ATRNL1: variants seen among roughly 807,000 people sequenced by gnomAD.
The protein encoded by ATRNL1 is attractin-like protein 1.
Under a neutral mutation model 182.7 loss-of-function variants are expected in ATRNL1, and 95 were observed. That is an observed-to-expected ratio of 0.52 (90% CI 0.44 to 0.62). The LOEUF is 0.62. ATRNL1 is among the 20% of genes least tolerant of loss of function. ATRNL1 has a pLI of 0.00. For synonymous variants in ATRNL1, 576 were observed against 568.3 expected (o/e 1.01, Z -0.19); for missense variants, 1,471 against 1,679.5 (o/e 0.88, Z 2.17).
At chr10:115,774,365 C>T (rs1470251852) in intron 27 of ATRNL1, among the ~76,000 whole-genome samples, 1 of 129,462 alleles carries the variant, frequency 7.7e-6, no homozygotes, top group Non-Finnish European at 1.5e-5. Flanking sequence ...ACGGAAGTTG[C>T]GGTGAGCCGA....
chr10:115,533,252 A>G (rs1851716618), intron 25 of ATRNL1, among the ~76,000 whole-genome samples: 1 of 151,742 alleles, frequency 6.6e-6, no homozygotes, highest in African/African-American at 2.4e-5. Flanking sequence ...TTGGTTGGTA[A>G]GCTATTGATT....
chr10:115,445,506 CGTGTGTGT>C (rs57237450), intron 21 of ATRNL1, among the ~76,000 whole-genome samples: 2,911 of 119,234 alleles, frequency 0.024, 38 homozygotes, highest in African/African-American at 0.043. Context: ...CTCATTTGTC[CGTGTGTGT>C]GTGTGTGTGT....
chr10:115,370,269 G>A (rs1857323904), intron 19 of ATRNL1, among the ~76,000 whole-genome samples: 1 of 152,152 alleles, frequency 6.6e-6, no homozygotes. Context: ...ATTAGTACCA[G>A]TAGAGTGGGG....
chr10:115,310,130 A>G (rs1307623969), intron 17 of ATRNL1, among the ~76,000 whole-genome samples: 1 of 152,022 alleles, frequency 6.6e-6, no homozygotes, highest in Non-Finnish European at 1.5e-5. Context: ...TTTGTTTTTA[A>G]TTCATTTTAT....
chr10:115,181,601 A>G (rs1592222171), intron 8 of ATRNL1, among the ~76,000 whole-genome samples: 1 of 151,756 alleles, frequency 6.6e-6, no homozygotes, highest in Non-Finnish European at 1.5e-5. Flanking sequence ...TCTGTGTTCT[A>G]AAGCATTTTG....
At chr10:115,468,940 GCTAGTGC>G (rs1848182468) in intron 23 of ATRNL1, among the ~76,000 whole-genome samples, 1 of 150,574 alleles carries the variant, frequency 6.6e-6, no homozygotes, top group Non-Finnish European at 1.5e-5. Flanking sequence ...AAGTCTCTAA[GCTAGTGC>G]CTAGTACATA....
chr10:115,245,408 A>G (rs1400334542), intron 10 of ATRNL1, among the ~76,000 whole-genome samples: 1 of 147,364 alleles, frequency 6.8e-6, no homozygotes, highest in Non-Finnish European at 1.5e-5. Context: ...CTGAGGCAGG[A>G]GAATCGCTTG....
chr10:115,820,785 C>A (rs1253496407), intron 27 of ATRNL1, among the ~76,000 whole-genome samples: 1 of 152,102 alleles, frequency 6.6e-6, no homozygotes, highest in African/African-American at 2.4e-5. Context: ...TGTCTCACCC[C>A]TTTGTGCCTC....
intron 26 of ATRNL1, among the ~76,000 whole-genome samples, chr10:115,595,342 A>G (rs1191618589): frequency 2.0e-5 from 3 of 152,214 alleles, no homozygotes; most frequent in Non-Finnish European, 4.4e-5. Flanking sequence ...TCAACTGGAA[A>G]ATATCAAGCA....
intron 8 of ATRNL1, among the ~76,000 whole-genome samples, chr10:115,206,021 T>A (rs899072682): frequency 6.6e-6 from 1 of 152,102 alleles, no homozygotes; most frequent in Non-Finnish European, 1.5e-5. Flanking sequence ...CTGTATAGAT[T>A]ATCTTAGTTT....
intron 27 of ATRNL1, among the ~76,000 whole-genome samples, chr10:115,793,654 A>T (rs954314258): frequency 6.6e-6 from 1 of 152,150 alleles, no homozygotes; most frequent in Non-Finnish European, 1.5e-5. Context: ...TGTAATACCA[A>T]TTAGTTGGCA....
At chr10:115,254,472 T>G (rs1440361801) in intron 10 of ATRNL1, among the ~76,000 whole-genome samples, 7 of 152,338 alleles carry the variant, frequency 4.6e-5, no homozygotes, top group African/African-American at 1.7e-4. Flanking sequence ...TGCCCACTTT[T>G]TGATGGGGTT....
chr10:115,552,054 A>G (rs2133815034), intron 26 of ATRNL1, among the ~76,000 whole-genome samples: 1 of 151,486 alleles, frequency 6.6e-6, no homozygotes, highest in Admixed American at 6.6e-5. Context: ...ATAGGGAAAA[A>G]CATAGTATAT....
chr10:115,154,085 T>C (rs1846379925), intron 5 of ATRNL1, among the ~76,000 whole-genome samples: 2 of 151,352 alleles, frequency 1.3e-5, no homozygotes, highest in East Asian at 1.9e-4. Flanking sequence ...CAGCTTGTTA[T>C]AACTTCTGTT....
intron 26 of ATRNL1, among the ~76,000 whole-genome samples, chr10:115,580,630 T>C (rs1314982722): frequency 6.6e-6 from 1 of 152,094 alleles, no homozygotes; most frequent in Non-Finnish European, 1.5e-5. Flanking sequence ...TCTGTTTTCT[T>C]TCCCAGGTTT....
At chr10:115,334,930 C>T (rs1231346221) in intron 19 of ATRNL1, among the ~76,000 whole-genome samples, 1 of 151,994 alleles carries the variant, frequency 6.6e-6, no homozygotes, top group Non-Finnish European at 1.5e-5. Context: ...TCATTAACCT[C>T]TCAGTGTCTT....
At chr10:115,550,957 A>C (rs1592837942) in intron 26 of ATRNL1, among the ~76,000 whole-genome samples, 2 of 151,726 alleles carry the variant, frequency 1.3e-5, no homozygotes, top group African/African-American at 4.8e-5. Context: ...AAATTTATAA[A>C]ATGCATCTAT....
intron 28 of ATRNL1, among the ~76,000 whole-genome samples, chr10:115,851,538 G>A (rs1195002273): frequency 4.6e-5 from 7 of 152,098 alleles, no homozygotes; most frequent in Non-Finnish European, 8.8e-5. Flanking sequence ...AAGAAAAACT[G>A]TGCCAACTCA....
chr10:115,894,455 A>AT (rs547146240), intron 28 of ATRNL1, among the ~76,000 whole-genome samples: 22 of 151,600 alleles, frequency 1.5e-4, no homozygotes, highest in African/African-American at 2.2e-4. Context: ...ACCCAAGAGA[A>AT]TTTTTTTTTC....
Sources: allele counts gnomAD v4.1 joint callset (sites outside exome capture counted in the v4.1 genomes callset), GRCh38; gene constraint gnomAD v4.1.1; transcripts MANE v1.5; gene names NCBI Gene and HGNC (gene_info 2026-07-23, HGNC 2026-07-21).